The following NTMT1 variants were observed in gnomAD, a reference collection of about 807,000 sequenced individuals.
The protein encoded by NTMT1 is N-terminal Xaa-Pro-Lys N-methyltransferase 1.
In NTMT1, 8 loss-of-function variants were observed where a neutral mutation model predicts 17.5. The observed-to-expected ratio is 0.46, with a 90% CI of 0.27 to 0.82. NTMT1 has a LOEUF of 0.82. Ranked by LOEUF, NTMT1 falls within the 40% of genes least tolerant of loss-of-function variation. The probability of loss-of-function intolerance (pLI) is 0.15; values close to 1 mark genes in which losing one functional copy is unlikely to be tolerated. For missense variants in NTMT1, 221 were observed against 303.5 expected (o/e 0.73, Z 2.02); for synonymous variants, 128 against 126.8 (o/e 1.01, Z -0.06).
upstream of NTMT1, chr9:129,626,092 C>T (rs1830873336): frequency 6.6e-6 from 1 of 152,130 alleles, no homozygotes; most frequent in African/African-American, 2.4e-5. Context: ...GAGGGGCGAG[C>T]TGAGCGAGGG....
intron 1 of NTMT1, among the ~76,000 whole-genome samples, chr9:129,615,862 A>G (rs113083849): frequency 6.6e-5 from 10 of 152,360 alleles, no homozygotes; most frequent in African/African-American, 2.4e-4. Context: ...AAATGCACAC[A>G]GTCCCCATGA....
rs1326258404 is a variant in NTMT1, at chr9:129,614,888, T to C, written c.-55+5710T>C. Among the ~76,000 whole-genome samples, 1 of 149,378 alleles carries C rather than the reference T, an allele frequency of 6.7e-6. No homozygotes were observed. The highest frequency in any genetic ancestry group is 6.7e-5 in the Admixed American group (1 of 14,936). On this transcript the variant is annotated intron_variant, in intron 1 of 3. Coordinates refer to the NTMT1 transcript ENST00000372486. The surrounding 1 kb of genome is among the most constrained non-coding windows in gnomAD (Gnocchi z 4.4). ...CTGCACTCCAGCCTGGGCGACAGAG[T>C]GAGACTCCGTATCAGAAAAAAAAAA...
At chr9:129,631,086 C>G (rs1831138360) in intron 1 of NTMT1, among the ~76,000 whole-genome samples, 1 of 152,220 alleles carries the variant, frequency 6.6e-6, no homozygotes, top group African/African-American at 2.4e-5. Context: ...CATGCTGTCC[C>G]ACGGCTGCTC....
At chr9:129,623,749 T>G (rs762751299), upstream of NTMT1, among the ~76,000 whole-genome samples, 5 of 98,210 alleles carry the variant, frequency 5.1e-5, no homozygotes, top group Non-Finnish European at 1.0e-4. Context: ...ATTTTTGTAT[T>G]TATTTAAAGG....
intron 1 of NTMT1, among the ~76,000 whole-genome samples, chr9:129,630,307 TA>T (rs1831094838): frequency 6.6e-6 from 1 of 152,084 alleles, no homozygotes; most frequent in African/African-American, 2.4e-5. Flanking sequence ...ACTCCATATC[TA>T]CAGAAAATAC....
chr9:129,623,672 GCTT>G (rs1425463554), upstream of NTMT1, among the ~76,000 whole-genome samples: 1 of 152,142 alleles, frequency 6.6e-6, no homozygotes, highest in Non-Finnish European at 1.5e-5. Context: ...TTCTGTCAAT[GCTT>G]CTCACCAGGG....
chr9:129,625,353 AT>A (rs1334202090), upstream of NTMT1, among the ~76,000 whole-genome samples: 2 of 152,112 alleles, frequency 1.3e-5, no homozygotes, highest in African/African-American at 4.8e-5. Flanking sequence ...GGTCGGTATT[AT>A]TTTAAGATGC....
upstream of NTMT1, among the ~76,000 whole-genome samples, chr9:129,622,800 G>T (rs74998324): frequency 3.2e-3 from 487 of 152,220 alleles, 5 homozygotes; most frequent in East Asian, 0.025. Flanking sequence ...GACCGAGGCA[G>T]GTGGATTGCC....
chr9:129,621,533 A>G (rs1830712554), upstream of NTMT1, among the ~76,000 whole-genome samples: 1 of 152,030 alleles, frequency 6.6e-6, no homozygotes, highest in Non-Finnish European at 1.5e-5. Flanking sequence ...ATTTTTGTAT[A>G]TTTTGTAGAA....
chr9:129,622,885 C>T (rs545748919), upstream of NTMT1, among the ~76,000 whole-genome samples: 574 of 152,088 alleles, frequency 3.8e-3, 7 homozygotes, highest in African/African-American at 0.013. Flanking sequence ...AAAAATTAGC[C>T]GGGCGTGACA....
At chr9:129,622,081 G>A (rs1830742907), upstream of NTMT1, among the ~76,000 whole-genome samples, 1 of 152,236 alleles carries the variant, frequency 6.6e-6, no homozygotes, top group South Asian at 2.1e-4. Context: ...GGGGCACTGG[G>A]ACTCTGACCA....
chr9:129,631,514 A>G (rs1247628839), intron 1 of NTMT1, among the ~76,000 whole-genome samples: 2 of 151,826 alleles, frequency 1.3e-5, no homozygotes, highest in South Asian at 2.1e-4. Context: ...CTCTCCTTCT[A>G]CCGTGGCAAC....
Position 129,614,896 on chromosome 9 carries a change from C to T in NTMT1, c.-55+5718C>T, listed in dbSNP as rs1013712734. ...CAGCCTGGGCGACAGAGTGAGACTC[C>T]GTATCAGAAAAAAAAAAAGAAAAAG... On this transcript the variant is annotated intron_variant, in intron 1 of 3. Coordinates refer to the NTMT1 transcript ENST00000372486. This position sits in a 1 kb window ranked among gnomAD's most constrained non-coding sequence, Gnocchi z 4.4. Among the ~76,000 whole-genome samples the T allele has an allele frequency of 3.3e-5, 5 of 150,854 alleles. No homozygotes were observed. Among genetic ancestry groups the T allele is most frequent in the Non-Finnish European group, 5.9e-5 (4 of 67,868 alleles).
intron 1 of NTMT1, among the ~76,000 whole-genome samples, chr9:129,630,073 TG>T (rs1310477022): frequency 6.6e-6 from 1 of 152,222 alleles, no homozygotes; most frequent in Non-Finnish European, 1.5e-5. Flanking sequence ...TTGAGCTGGC[TG>T]GGCGGGGTGG....
At chr9:129,612,307 C>T (rs749169109) in intron 1 of NTMT1, 1 of 1,553,302 alleles carries the variant, frequency 6.4e-7, no homozygotes, top group Non-Finnish European at 8.9e-7. Context: ...CTCCTCATTG[C>T]CTGGCCCATG....
In NTMT1 at chr9:129,635,577, T is replaced by C. The variant is rs963112557; in HGVS notation, c.*113T>C. 7.9e-7 allele frequency: 1 copy of C among 1,258,850 alleles called. No homozygotes were observed. Among genetic ancestry groups the C allele is most frequent in the Middle Eastern group, 2.0e-4 (1 of 5,072 alleles). 78.0% of individuals were successfully genotyped at this position (1,258,850 alleles called of 1,614,324 possible). A position where few individuals can be genotyped will look rare whatever the true frequency, so the allele number is the denominator to read the frequency against. ...TCGTGAGTGTCGAGGCACCACTAAA[T>C]ATAGCTGTCTGCCGTCCACTCATTA... is the stretch of plus-strand genomic sequence containing the variant. On this transcript the variant is annotated 3_prime_UTR_variant, in exon 4 of 4. Transcript: ENST00000372483.
chr9:129,615,348 A>G, intron 1 of NTMT1: 1 of 971,934 alleles, frequency 1.0e-6, no homozygotes, highest in Non-Finnish European at 1.4e-6. Context: ...CAGTTCAGGC[A>G]CATCCTCTGC....
In NTMT1 at chr9:129,620,540, T is replaced by G. The variant is rs868575365; in HGVS notation, c.-55+11362T>G. 2.1e-6 allele frequency: 3 copies of G among 1,419,016 alleles called. No individual in the cohort carries two copies. The African/African-American group carries it at 4.4e-5, about 21-fold the overall frequency. 87.9% of individuals were successfully genotyped at this position (1,419,016 alleles called of 1,614,324 possible). A position where few individuals can be genotyped will look rare whatever the true frequency, so the allele number is the denominator to read the frequency against. On this transcript the variant is annotated intron_variant, in intron 1 of 3. Coordinates refer to the NTMT1 transcript ENST00000372486. The surrounding 1 kb of genome is among the most constrained non-coding windows in gnomAD (Gnocchi z 5.8). The stretch of plus-strand genomic sequence containing the variant: ...GCCAGGGAGCCCCTTGGGCGCCAGG[T>G]CCTGGGCCCCTGGGCGAAGTCGACG...
In NTMT1 at chr9:129,613,101, G is replaced by T. The variant is rs1830167105; in HGVS notation, c.-55+3923G>T. 1 of 1,613,720 alleles carries T rather than the reference G, an allele frequency of 6.2e-7. No individual in the cohort carries two copies. The highest frequency in any genetic ancestry group is 1.3e-5 in the African/African-American group (1 of 75,042). Reference sequence around the variant, plus strand: ...TCTAGGTCCAGGAGCAAGACCATTTGCCCACCTGCTCCAGGTTTCTGTGCG... The same window carrying T: ...TCTAGGTCCAGGAGCAAGACCATTTTCCCACCTGCTCCAGGTTTCTGTGCG... On this transcript the variant is annotated intron_variant, in intron 1 of 3. Transcript: ENST00000372486. The surrounding 1 kb of genome is among the most constrained non-coding windows in gnomAD (Gnocchi z 6.2).
Sources: allele counts gnomAD v4.1 joint callset (sites outside exome capture counted in the v4.1 genomes callset), GRCh38; gene constraint gnomAD v4.1.1; non-coding constraint Gnocchi (gnomAD v3.1); transcripts MANE v1.5; gene names NCBI Gene and HGNC (gene_info 2026-07-23, HGNC 2026-07-21).